Variants in IL1RAPL1 observed in about 807,000 individuals in gnomAD.
The protein encoded by IL1RAPL1 is interleukin 1 receptor accessory protein like 1, also known as interleukin-1 receptor accessory protein-like 1.
A neutral mutation model predicts 48.4 loss-of-function variants in IL1RAPL1; 3 were observed. The ratio of observed to expected loss-of-function variants is 0.06; its 90% CI spans 0.03 to 0.16. IL1RAPL1 has a LOEUF of 0.16. Among genes scored for constraint, IL1RAPL1 ranks in the 10% least tolerant of loss-of-function variants. The pLI, the probability that IL1RAPL1 is intolerant of heterozygous loss-of-function variation, is 1.00. For missense variants in IL1RAPL1, 349 were observed against 530.6 expected (o/e 0.66, Z 3.36); for synonymous variants, 185 against 187.7 (o/e 0.99, Z 0.12).
intron 1 of IL1RAPL1, among the ~76,000 whole-genome samples, chrX:28,599,381 A>G (rs1222711552): frequency 9.0e-6 from 1 of 110,937 alleles, no homozygotes; most frequent in Non-Finnish European, 1.9e-5. Flanking sequence ...TGGATATTGG[A>G]TGCTTTCTTG....
intron 2 of IL1RAPL1, among the ~76,000 whole-genome samples, chrX:29,230,288 T>G (rs1389653183): frequency 9.1e-6 from 1 of 109,511 alleles, no homozygotes; most frequent in Non-Finnish European, 1.9e-5. Flanking sequence ...TTGACTGTAT[T>G]ATATAGAAGT....
At chrX:28,876,456 G>C (rs1464616100) in intron 2 of IL1RAPL1, among the ~76,000 whole-genome samples, 2 of 111,645 alleles carry the variant, frequency 1.8e-5, no homozygotes, top group Non-Finnish European at 3.8e-5. Context: ...AAGAGCATTA[G>C]ATATCTCTGT....
At chrX:28,757,301 C>T (rs944633698) in intron 1 of IL1RAPL1, among the ~76,000 whole-genome samples, 9 of 112,492 alleles carry the variant, frequency 8.0e-5, no homozygotes, top group African/African-American at 2.9e-4. Context: ...AAACAACAAG[C>T]GAATAAGAAC....
At chrX:29,345,008 C>A (rs1197710760) in intron 3 of IL1RAPL1, among the ~76,000 whole-genome samples, 1 of 112,745 alleles carries the variant, frequency 8.9e-6, no homozygotes, top group African/African-American at 3.2e-5. Context: ...TTTCGTAGAT[C>A]ATCTTTTTAA....
At chrX:28,745,612 A>G (rs917417022) in intron 1 of IL1RAPL1, among the ~76,000 whole-genome samples, 2 of 111,763 alleles carry the variant, frequency 1.8e-5, no homozygotes, top group East Asian at 2.8e-4. Flanking sequence ...TTTCAGAGTT[A>G]TTAGCATAAA....
chrX:29,220,389 T>C (rs1930952704), intron 2 of IL1RAPL1, among the ~76,000 whole-genome samples: 1 of 112,501 alleles, frequency 8.9e-6, no homozygotes, highest in African/African-American at 3.2e-5. Context: ...GAGACTCTTA[T>C]CTTGCCCTTA....
At chrX:29,517,668 C>A (rs944209009) in intron 5 of IL1RAPL1, among the ~76,000 whole-genome samples, 8 of 112,259 alleles carry the variant, frequency 7.1e-5, no homozygotes, top group Admixed American at 1.9e-4. Flanking sequence ...AAATAACACA[C>A]TCAGTGTGAT....
intron 5 of IL1RAPL1, among the ~76,000 whole-genome samples, chrX:29,503,643 T>C (rs2147761544): frequency 9.0e-6 from 1 of 110,643 alleles, no homozygotes; most frequent in South Asian, 3.8e-4. Context: ...AAATTATTTT[T>C]ATTTTTATTT....
intron 1 of IL1RAPL1, among the ~76,000 whole-genome samples, chrX:28,715,044 G>A (rs1288374152): frequency 8.9e-6 from 1 of 112,059 alleles, no homozygotes; most frequent in East Asian, 2.8e-4. Context: ...GGACCAAATG[G>A]ATCTGATAGA....
intron 3 of IL1RAPL1, among the ~76,000 whole-genome samples, chrX:29,308,064 C>T (rs1349180885): frequency 8.9e-6 from 1 of 111,883 alleles, no homozygotes; most frequent in Non-Finnish European, 1.9e-5. Context: ...TGACAGAAAA[C>T]CGAGATCAAA....
intron 5 of IL1RAPL1, among the ~76,000 whole-genome samples, chrX:29,616,653 G>T (rs184639593): frequency 3.1e-4 from 34 of 110,597 alleles, no homozygotes; most frequent in African/African-American, 9.9e-4. Context: ...TACCAGGAGG[G>T]ATTCTTTAGG....
chrX:29,541,131 A>G (rs1374711664), intron 5 of IL1RAPL1, among the ~76,000 whole-genome samples: 2 of 112,340 alleles, frequency 1.8e-5, no homozygotes, highest in Non-Finnish European at 3.8e-5. Context: ...ACGTGAACAG[A>G]CACTTCTCAA....
chrX:29,214,379 G>A (rs754917750), intron 2 of IL1RAPL1, among the ~76,000 whole-genome samples: 1 of 111,061 alleles, frequency 9.0e-6, no homozygotes, highest in South Asian at 3.8e-4. Flanking sequence ...ATGAAATTGA[G>A]GATGTGGTTT....
At chrX:29,681,394 T>C (rs755373361) in intron 6 of IL1RAPL1, among the ~76,000 whole-genome samples, 4 of 112,268 alleles carry the variant, frequency 3.6e-5, no homozygotes, top group African/African-American at 9.7e-5. Flanking sequence ...GCAAGGAGTT[T>C]AGAGCAGCAT....
At chrX:29,687,885 G>A (rs1162269219) in intron 6 of IL1RAPL1, among the ~76,000 whole-genome samples, 2 of 111,597 alleles carry the variant, frequency 1.8e-5, no homozygotes, top group African/African-American at 6.5e-5. Flanking sequence ...CTCCATGTGA[G>A]GGAGCTAACA....
At chrX:29,051,026 C>A (rs1027916802) in intron 2 of IL1RAPL1, among the ~76,000 whole-genome samples, 3 of 112,147 alleles carry the variant, frequency 2.7e-5, no homozygotes, top group Non-Finnish European at 5.6e-5. Context: ...GAAAAACATT[C>A]CAAAATTGTT....
At chrX:29,590,044 C>T (rs188544824) in intron 5 of IL1RAPL1, among the ~76,000 whole-genome samples, 1 of 110,848 alleles carries the variant, frequency 9.0e-6, no homozygotes, top group African/African-American at 3.3e-5. Flanking sequence ...TATAACTTAC[C>T]GGGCATCAAC....
At chrX:29,683,410 A>T (rs1926521126) in intron 6 of IL1RAPL1, among the ~76,000 whole-genome samples, 1 of 112,340 alleles carries the variant, frequency 8.9e-6, no homozygotes, top group Non-Finnish European at 1.9e-5. Flanking sequence ...TTAATCACAC[A>T]GTCGTGATCC....
intron 5 of IL1RAPL1, among the ~76,000 whole-genome samples, chrX:29,453,323 A>G (rs966476452): frequency 9.0e-6 from 1 of 110,776 alleles, no homozygotes; most frequent in Non-Finnish European, 1.9e-5. Context: ...TACTTCACAT[A>G]CAATATGTGA....
Sources: gnomAD v4.1 joint callset for allele counts (sites outside exome capture counted in the v4.1 genomes callset) on GRCh38, gnomAD v4.1.1 for gene constraint, MANE v1.5 for transcripts, NCBI Gene and HGNC (gene_info 2026-07-23, HGNC 2026-07-21) for gene names.